COMMD1: variants seen among roughly 807,000 people sequenced by gnomAD.
COMMD1 encodes the protein COMM domain-containing protein 1.
Under a neutral mutation model 17.2 loss-of-function variants are expected in COMMD1, and 10 were observed. The ratio of observed to expected loss-of-function variants is 0.58; its 90% CI spans 0.36 to 0.99. The LOEUF (loss-of-function observed/expected upper bound fraction) is 0.99, where lower values mean the gene tolerates loss of function less well. COMMD1 is among the 50% of genes least tolerant of loss of function. The pLI, the probability that COMMD1 is intolerant of heterozygous loss-of-function variation, is 0.01. For synonymous variants in COMMD1, 97 were observed against 91.6 expected (o/e 1.06, Z -0.34); for missense variants, 270 against 231.8 (o/e 1.17, Z -1.07).
rs1157041236 is a variant in COMMD1 at position 62,117,915 on chromosome 2, C to T, written c.463-17916C>T. Among the ~76,000 whole-genome samples, 5 of 152,254 alleles carry T rather than the reference C, an allele frequency of 3.3e-5. No individual in the cohort carries two copies. In the Middle Eastern group the frequency reaches 0.01, roughly 311 times the overall value. On this transcript the variant is annotated intron_variant, in intron 2 of 2. Transcript: ENST00000311832. ...CCCGCACTCCCCGCCCCCAACTTTT[C>T]TATTCTCTCCACTGCTTTCAAAGAA...
At chr2:61,945,713 A>G (rs996703636) in intron 1 of COMMD1, among the ~76,000 whole-genome samples, 1 of 152,194 alleles carries the variant, frequency 6.6e-6, no homozygotes, top group Non-Finnish European at 1.5e-5. Flanking sequence ...ACATCAATCA[A>G]TATATGTAAG....
chr2:62,103,069 C>T (rs1294143777), intron 2 of COMMD1, among the ~76,000 whole-genome samples: 1 of 151,778 alleles, frequency 6.6e-6, no homozygotes, highest in Non-Finnish European at 1.5e-5. Flanking sequence ...AGCTGCGCCT[C>T]CTGGGTTCAG....
intron 2 of COMMD1, among the ~76,000 whole-genome samples, chr2:62,122,565 A>G (rs1469675193): frequency 6.6e-6 from 1 of 152,190 alleles, no homozygotes; most frequent in Non-Finnish European, 1.5e-5. Context: ...CTCTAGGAAA[A>G]AAAGAATAGT....
chr2:61,988,660 C>G (rs956148753), intron 1 of COMMD1, among the ~76,000 whole-genome samples: 9 of 152,122 alleles, frequency 5.9e-5, no homozygotes, highest in Non-Finnish European at 1.2e-4. Context: ...CCTTAGCTAC[C>G]CCAGCTGGTG....
At chr2:61,917,642 C>T (rs1418164463) in intron 1 of COMMD1, among the ~76,000 whole-genome samples, 1 of 152,108 alleles carries the variant, frequency 6.6e-6, no homozygotes, top group Non-Finnish European at 1.5e-5. Flanking sequence ...ATTCTTCCGC[C>T]TCAGCCTCCG....
At chr2:61,946,146 T>G (rs1278945387) in intron 1 of COMMD1, among the ~76,000 whole-genome samples, 1 of 152,178 alleles carries the variant, frequency 6.6e-6, no homozygotes, top group Non-Finnish European at 1.5e-5. Flanking sequence ...AAGAGAAGGT[T>G]AAGCATCACT....
chr2:61,984,360 T>C (rs1014183569), intron 1 of COMMD1, among the ~76,000 whole-genome samples: 2 of 152,356 alleles, frequency 1.3e-5, no homozygotes, highest in South Asian at 4.1e-4. Flanking sequence ...ATAAATTTTT[T>C]AATTTCCTTC....
intron 1 of COMMD1, among the ~76,000 whole-genome samples, chr2:61,889,298 C>T (rs1034776445): frequency 6.7e-6 from 1 of 149,524 alleles, no homozygotes; most frequent in African/African-American, 2.5e-5. Context: ...CCTCGACCTC[C>T]GGGGCCCAAG....
chr2:61,930,203 C>A (rs76920007), intron 1 of COMMD1, among the ~76,000 whole-genome samples: 2 of 152,120 alleles, frequency 1.3e-5, no homozygotes, highest in African/African-American at 4.8e-5. Context: ...TGCATTGATA[C>A]TTTATAAACC....
At chr2:61,923,471 G>A (rs867971874) in intron 1 of COMMD1, among the ~76,000 whole-genome samples, 6 of 151,990 alleles carry the variant, frequency 3.9e-5, no homozygotes, top group Non-Finnish European at 8.8e-5. Flanking sequence ...AGTTGTAATA[G>A]GATATAACAG....
chr2:62,037,117 C>T (rs1318672713), intron 2 of COMMD1, among the ~76,000 whole-genome samples: 1 of 152,128 alleles, frequency 6.6e-6, no homozygotes, highest in Non-Finnish European at 1.5e-5. Flanking sequence ...GGAAATAATC[C>T]TTTATTTTTG....
chr2:62,103,885 C>T (rs1023471697), intron 2 of COMMD1, among the ~76,000 whole-genome samples: 5 of 152,016 alleles, frequency 3.3e-5, no homozygotes, highest in Admixed American at 1.3e-4. Flanking sequence ...CTCTCACCCA[C>T]GCTGGAGTGC....
At chr2:62,073,209 G>A (rs1450057605) in intron 2 of COMMD1, among the ~76,000 whole-genome samples, 1 of 152,208 alleles carries the variant, frequency 6.6e-6, no homozygotes, top group African/African-American at 2.4e-5. Flanking sequence ...CTTTTGTGGG[G>A]GAAATTTGCA....
At chr2:62,033,936 C>A (rs1669974002) in intron 2 of COMMD1, among the ~76,000 whole-genome samples, 1 of 151,656 alleles carries the variant, frequency 6.6e-6, no homozygotes, top group Non-Finnish European at 1.5e-5. Flanking sequence ...ATAGGGAGAC[C>A]CCATTTCTAC....
intron 1 of COMMD1, among the ~76,000 whole-genome samples, chr2:61,908,842 C>T (rs1038099895): frequency 1.3e-5 from 2 of 152,174 alleles, no homozygotes; most frequent in Non-Finnish European, 1.5e-5. Flanking sequence ...GCTGGGATTA[C>T]AGGCGTGAGC....
intron 1 of COMMD1, among the ~76,000 whole-genome samples, chr2:61,996,331 T>C (rs1412192130): frequency 6.6e-6 from 1 of 151,198 alleles, no homozygotes; most frequent in African/African-American, 2.4e-5. Flanking sequence ...TGTGTGTGTG[T>C]GTGTGTGTGT....
At chr2:61,986,201 A>T (rs548325225) in intron 1 of COMMD1, among the ~76,000 whole-genome samples, 1 of 151,322 alleles carries the variant, frequency 6.6e-6, no homozygotes, top group South Asian at 2.1e-4. Context: ...TGCCAATCTC[A>T]CCTGGCATGA....
chr2:62,131,085 G>A (rs530629271), intron 2 of COMMD1, among the ~76,000 whole-genome samples: 1 of 152,302 alleles, frequency 6.6e-6, no homozygotes, highest in African/African-American at 2.4e-5. Flanking sequence ...TTTGGAGAGG[G>A]AATCCTCTCA....
intron 1 of COMMD1, among the ~76,000 whole-genome samples, chr2:61,963,175 T>A (rs1227786586): frequency 3.8e-4 from 53 of 140,498 alleles, no homozygotes; most frequent in South Asian, 3.1e-3. Context: ...AAAAAATATA[T>A]ATATATATAT....
Sources: gnomAD v4.1 joint callset for allele counts (sites outside exome capture counted in the v4.1 genomes callset) on GRCh38, gnomAD v4.1.1 for gene constraint, MANE v1.5 for transcripts, NCBI Gene and HGNC (gene_info 2026-07-23, HGNC 2026-07-21) for gene names.